Variants in ROBO2 observed in about 807,000 individuals in gnomAD.
ROBO2 encodes roundabout guidance receptor 2.
In ROBO2, 53 loss-of-function variants were observed where a neutral mutation model predicts 160.8. That is an observed-to-expected ratio of 0.33 (90% CI 0.26 to 0.41). The LOEUF is 0.41. ROBO2 is among the 10% of genes least tolerant of loss of function. The probability of loss-of-function intolerance (pLI) is 1.00; values close to 1 mark genes in which losing one functional copy is unlikely to be tolerated. For synonymous variants in ROBO2, 664 were observed against 611.7 expected, an observed-to-expected ratio of 1.09 and a Z score of -1.26; for missense variants, 1,577 against 1,722.4, an observed-to-expected ratio of 0.92 and a Z score of 1.49.
intron 2 of ROBO2, among the ~76,000 whole-genome samples, chr3:77,376,330 G>A (rs2072659495): frequency 6.6e-6 from 1 of 151,162 alleles, no homozygotes; most frequent in Admixed American, 6.6e-5. Context: ...AATTTTTTTT[G>A]TATTTTTAGT....
chr3:77,555,539 C>T (rs10514734), intron 8 of ROBO2, among the ~76,000 whole-genome samples: 15,973 of 151,564 alleles, frequency 0.11, 1,107 homozygotes, highest in South Asian at 0.16. Context: ...TAAAAGACTT[C>T]CGCATTAGTT....
rs561382499 is a variant in ROBO2 at position 77,135,567 on chromosome 3, AT to A, written c.388+37240del. Reference sequence around the variant, plus strand: ...AGGCATGTGCCACCATATCCGGCTAATTTTTTTTTTTTTGTATTTTTAGTAG... The same window carrying A: ...AGGCATGTGCCACCATATCCGGCTAATTTTTTTTTTTTGTATTTTTAGTAG... On this transcript the variant is annotated intron_variant, in intron 2 of 25. Transcript: ENST00000461745. Among the ~76,000 whole-genome samples, 265 of 144,728 alleles carry A rather than the reference AT, an allele frequency of 1.8e-3. 1 individual carries two copies. Among genetic ancestry groups the A allele is most frequent in the Middle Eastern group, 3.6e-3 (1 of 276 alleles). The allele number at this position is 144,728 out of a possible 152,430, so 94.9% of individuals were successfully genotyped here. A position where few individuals can be genotyped will look rare whatever the true frequency, so the allele number is the denominator to read the frequency against.
chr3:77,090,099 G>A (rs1251174757), intron 1 of ROBO2, among the ~76,000 whole-genome samples: 2 of 152,020 alleles, frequency 1.3e-5, no homozygotes, highest in Admixed American at 6.6e-5. Flanking sequence ...CAGCTAAAAT[G>A]TATCAAGCAA....
At chr3:76,165,310 C>T (rs548712032) in intron 2 of ROBO2, among the ~76,000 whole-genome samples, 2 of 151,700 alleles carry the variant, frequency 1.3e-5, no homozygotes, top group East Asian at 3.9e-4. Flanking sequence ...TGGCTTCTTT[C>T]CTTCAACCTC....
At chr3:76,786,877 C>T (rs576959605) in intron 2 of ROBO2, among the ~76,000 whole-genome samples, 15 of 151,236 alleles carry the variant, frequency 9.9e-5, no homozygotes, top group South Asian at 2.1e-4. Flanking sequence ...TAAAGAGCTA[C>T]CTGATAAATT....
intron 2 of ROBO2, among the ~76,000 whole-genome samples, chr3:76,763,524 A>G (rs1459218780): frequency 6.6e-6 from 1 of 151,532 alleles, no homozygotes; most frequent in Non-Finnish European, 1.5e-5. Context: ...TGACTTGTTA[A>G]CATTAATTAC....
chr3:76,667,198 G>A (rs777144057), intron 2 of ROBO2, among the ~76,000 whole-genome samples: 1 of 152,122 alleles, frequency 6.6e-6, no homozygotes, highest in Non-Finnish European at 1.5e-5. Context: ...AAAGAAGATA[G>A]CTCTACCTCA....
chr3:76,016,835 T>G (rs977730044), intron 2 of ROBO2, among the ~76,000 whole-genome samples: 1 of 152,210 alleles, frequency 6.6e-6, no homozygotes, highest in East Asian at 1.9e-4. Flanking sequence ...CAGGACATGA[T>G]TTTTCTATTC....
At chr3:76,987,848 A>C (rs2060469444) in intron 2 of ROBO2, among the ~76,000 whole-genome samples, 1 of 151,968 alleles carries the variant, frequency 6.6e-6, no homozygotes, top group Non-Finnish European at 1.5e-5. Context: ...TTTTTTTTGC[A>C]TGGCAAACAC....
intron 2 of ROBO2, among the ~76,000 whole-genome samples, chr3:76,052,408 A>G (rs1468340516): frequency 6.6e-6 from 1 of 152,098 alleles, no homozygotes; most frequent in African/African-American, 2.4e-5. Flanking sequence ...TTTCTGGCAA[A>G]GAAATGCCTG....
chr3:76,843,266 A>G (rs1576996121), intron 2 of ROBO2, among the ~76,000 whole-genome samples: 1 of 151,068 alleles, frequency 6.6e-6, no homozygotes, highest in East Asian at 1.9e-4. Context: ...AATCATATGA[A>G]AATAAATAAT....
chr3:76,218,580 A>C (rs1483430814), intron 2 of ROBO2, among the ~76,000 whole-genome samples: 1 of 152,210 alleles, frequency 6.6e-6, no homozygotes, highest in Admixed American at 6.5e-5. Context: ...CAAAGAGAAT[A>C]AAATACCTAG....
intron 2 of ROBO2, among the ~76,000 whole-genome samples, chr3:77,428,339 ATTTTTTTT>A (rs59725522): frequency 4.2e-4 from 44 of 105,562 alleles, no homozygotes; most frequent in South Asian, 1.8e-3. Context: ...CTTAGGTAAT[ATTTTTTTT>A]TTTTTTTTTT....
Position 77,588,951 on chromosome 3 carries a change from G to C in ROBO2, c.2683+18G>C, listed in dbSNP as rs1269871738. On this transcript the variant is annotated intron_variant, in intron 17 of 25. Transcript: ENST00000461745. ...TTATGCTGGTAAGTGACTATTTCCA[G>C]CTAAGAAAATCTCTTGTCTGTAGGA... 3 of 1,612,208 alleles carry C rather than the reference G, an allele frequency of 1.9e-6. No homozygotes were observed. The highest frequency in any genetic ancestry group is 2.5e-6 in the Non-Finnish European group (3 of 1,178,488).
chr3:76,307,679 A>G (rs2107766171), intron 2 of ROBO2, among the ~76,000 whole-genome samples: 1 of 152,204 alleles, frequency 6.6e-6, no homozygotes. Flanking sequence ...CGACTCAGTA[A>G]AAGAGAAGAA....
intron 2 of ROBO2, among the ~76,000 whole-genome samples, chr3:77,176,696 G>A (rs1415728805): frequency 6.6e-6 from 1 of 151,940 alleles, no homozygotes; most frequent in Non-Finnish European, 1.5e-5. Flanking sequence ...TTTTAGATTA[G>A]TGAAATCCAA....
At chr3:76,176,494 G>A (rs1240347417) in intron 2 of ROBO2, among the ~76,000 whole-genome samples, 1 of 152,054 alleles carries the variant, frequency 6.6e-6, no homozygotes, top group Non-Finnish European at 1.5e-5. Flanking sequence ...AGTACTAAGA[G>A]AATACAGAAT....
chr3:77,414,010 A>G (rs547288603), intron 2 of ROBO2, among the ~76,000 whole-genome samples: 3 of 152,162 alleles, frequency 2.0e-5, no homozygotes, highest in South Asian at 2.1e-4. Flanking sequence ...CTGTGGAGGC[A>G]TAAGAGATCC....
At chr3:76,543,811 T>C (rs898854267) in intron 2 of ROBO2, among the ~76,000 whole-genome samples, 3 of 152,058 alleles carry the variant, frequency 2.0e-5, no homozygotes, top group Non-Finnish European at 4.4e-5. Flanking sequence ...CCATCTTTTT[T>C]TTGAAATCCC....
Sources: allele counts gnomAD v4.1 joint callset (sites outside exome capture counted in the v4.1 genomes callset), GRCh38; gene constraint gnomAD v4.1.1; transcripts MANE v1.5; gene names NCBI Gene and HGNC (gene_info 2026-07-23, HGNC 2026-07-21).